The following KLHL42 variants were observed in gnomAD, a reference collection of about 807,000 sequenced individuals.
KLHL42 encodes the protein kelch-like protein 42.
In KLHL42, 27 loss-of-function variants were observed where a neutral mutation model predicts 32.7. The ratio of observed to expected loss-of-function variants is 0.83; its 90% CI spans 0.61 to 1.14. KLHL42 has a LOEUF of 1.14. Ranked by LOEUF, KLHL42 falls within the 50% of genes most tolerant of loss-of-function variation. The pLI is 0.00. For synonymous variants in KLHL42, 267 were observed against 248.2 expected (o/e 1.08, Z -0.71); for missense variants, 491 against 560.8 (o/e 0.88, Z 1.26).
intron 1 of KLHL42, among the ~76,000 whole-genome samples, chr12:27,784,166 G>A (rs1331372560): frequency 7.0e-6 from 1 of 142,308 alleles, no homozygotes; most frequent in Non-Finnish European, 1.5e-5. Context: ...ACGGAGTCTC[G>A]TTCTGTTGCC....
rs767561636 is a variant in KLHL42, at chr12:27,780,863, A to G, written c.533A>G (p.Asp178Gly). 1.9e-6 allele frequency: 3 copies of G among 1,613,654 alleles called. No individual in the cohort carries two copies. Among genetic ancestry groups the G allele is most frequent in the South Asian group, 2.2e-5 (2 of 91,080 alleles). Residue 178 changes from aspartate (D) to glycine (G), a missense_variant, in exon 1 of 3, where the codon GAT becomes GGT. Physicochemically the swap from Asp to Gly is moderately conservative, Grantham distance 94. This residue lies in a region of KLHL42 where 248 missense variants were observed against 329.2 expected (regional missense o/e 0.75). Transcript: ENST00000381271. This position sits in a 1 kb window ranked among gnomAD's most constrained non-coding sequence, Gnocchi z 8.8. Reference protein sequence around the residue: ...LLGSPPQAPGDVSLKQRLREA... With the variant: ...LLGSPPQAPGGVSLKQRLREA... ...GGGTCTCCTCCCCAAGCTCCAGGGG[A>G]TGTCAGCCTGAAGCAGAGGCTGAGG...
Position 27,800,221 on chromosome 12 carries a change from C to A in KLHL42, c.*2055C>A, listed in dbSNP as rs1171003140. The A allele has an allele frequency of 1.0e-6, 1 of 985,138 alleles. No homozygotes were observed. The highest frequency in any genetic ancestry group is 1.2e-6 in the Non-Finnish European group (1 of 829,842). 61.0% of individuals were successfully genotyped at this position (985,138 alleles called of 1,614,324 possible). A position where few individuals can be genotyped will look rare whatever the true frequency, so the allele number is the denominator to read the frequency against. On this transcript the variant is annotated 3_prime_UTR_variant, in exon 3 of 3. Coordinates refer to ENST00000381271, the MANE Select transcript of KLHL42 (RefSeq NM_020782.2). ...CAATATTCCAGCCAACCAGTTAATT[C>A]TCTTCCTGGTTACATTCATTGGGTC... is the stretch of plus-strand genomic sequence containing the variant.
At chr12:27,793,590 G>C (rs1368278513) in intron 2 of KLHL42, among the ~76,000 whole-genome samples, 1 of 151,798 alleles carries the variant, frequency 6.6e-6, no homozygotes, top group Non-Finnish European at 1.5e-5. Flanking sequence ...TGTGGTTGTG[G>C]GAAGACAGAC....
At position 27,780,295 on chromosome 12, in the gene KLHL42, C is replaced by G. The variant is rs756559033; in HGVS notation, c.-36C>G. ...GGGGCTGGGAGGCCGGCGCGCAGAT[C>G]TGGCGGTGAGCGCTGCCGCCCCGGG... On this transcript the variant is annotated 5_prime_UTR_variant, in exon 1 of 3. It adds an upstream start codon to the 5' untranslated region. Coordinates refer to ENST00000381271, the MANE Select transcript of KLHL42 (RefSeq NM_020782.2). The surrounding 1 kb of genome is among the most constrained non-coding windows in gnomAD (Gnocchi z 8.8). The G allele has an allele frequency of 5.3e-5, 80 of 1,519,592 alleles. No individual in the cohort carries two copies. Among genetic ancestry groups the G allele is most frequent in the Non-Finnish European group, 6.9e-5 (79 of 1,137,358 alleles). The allele number at this position is 1,519,592 out of a possible 1,614,324, so 94.1% of individuals were successfully genotyped here. A position where few individuals can be genotyped will look rare whatever the true frequency, so the allele number is the denominator to read the frequency against.
Position 27,780,774 on chromosome 12 carries a change from C to T in KLHL42, c.444C>T (p.Ala148=). 6.2e-7 allele frequency: 1 copy of T among 1,613,628 alleles called. No homozygotes were observed. Among genetic ancestry groups the T allele is most frequent in the Non-Finnish European group, 8.5e-7 (1 of 1,180,030 alleles). The part of the protein sequence containing the change: ...QVYGLPDLQE[A]CLRFMVVHFH... ...ACGGGCTGCCCGACCTGCAGGAGGC[C>T]TGCCTGCGCTTCATGGTCGTCCACT... is the stretch of plus-strand genomic sequence containing the variant. Residue 148 remains alanine (A), a synonymous_variant, in exon 1 of 3, where the codon GCC becomes GCT. Coordinates refer to ENST00000381271, the MANE Select transcript of KLHL42 (RefSeq NM_020782.2). The surrounding 1 kb of genome is among the most constrained non-coding windows in gnomAD (Gnocchi z 8.8).
chr12:27,791,677 A>G (rs367591464), intron 1 of KLHL42, 31 bp from the exon 2 acceptor site: 76 of 1,565,674 alleles, frequency 4.9e-5, no homozygotes, highest in Middle Eastern at 3.3e-4. Context: ...CAGAAGAACT[A>G]ACTCTGTGGG....
At chr12:27,793,627 G>A (rs1035642100) in intron 2 of KLHL42, among the ~76,000 whole-genome samples, 6 of 152,068 alleles carry the variant, frequency 3.9e-5, no homozygotes, top group Non-Finnish European at 7.4e-5. Flanking sequence ...GCAGAGGGGT[G>A]CCTTTCCTTC....
chr12:27,795,186 C>T (rs759538388), intron 2 of KLHL42, among the ~76,000 whole-genome samples: 1 of 152,226 alleles, frequency 6.6e-6, no homozygotes, highest in Non-Finnish European at 1.5e-5. Flanking sequence ...TGTGGGCTGA[C>T]ATAACGCACA....
At chr12:27,794,338 T>C (rs1399521008) in intron 2 of KLHL42, among the ~76,000 whole-genome samples, 1 of 152,176 alleles carries the variant, frequency 6.6e-6, no homozygotes, top group African/African-American at 2.4e-5. Flanking sequence ...TGCCCCTGCC[T>C]CTGTCTTCAT....
At chr12:27,790,932 A>G (rs1219980806) in intron 1 of KLHL42, among the ~76,000 whole-genome samples, 1 of 152,312 alleles carries the variant, frequency 6.6e-6, no homozygotes, top group East Asian at 1.9e-4. Context: ...ATGATGATAC[A>G]TACCTGTAGT....
Position 27,799,126 on chromosome 12 carries a change from A to G in KLHL42, c.*960A>G, listed in dbSNP as rs1426589449. The G allele has an allele frequency of 6.6e-6, 1 of 152,576 alleles. No individual in the cohort carries two copies. The highest frequency in any genetic ancestry group is 1.5e-5 in the Non-Finnish European group (1 of 68,026). 9.5% of individuals were successfully genotyped at this position (152,576 alleles called of 1,614,324 possible). The stretch of plus-strand genomic sequence containing the variant: ...TTTAAGTCGGCAGCTTTCTAATTTA[A>G]TCTTAGCTTTGTAATTCATGTTTTG... On this transcript the variant is annotated 3_prime_UTR_variant, in exon 3 of 3. Coordinates refer to ENST00000381271, the MANE Select transcript of KLHL42 (RefSeq NM_020782.2).
Position 27,781,251 on chromosome 12 carries a change from C to A in KLHL42, c.872+49C>A. 3 of 1,583,772 alleles carry A rather than the reference C, an allele frequency of 1.9e-6. No homozygotes were observed. In the South Asian group the frequency reaches 3.4e-5, roughly 18 times the overall value. The stretch of plus-strand genomic sequence containing the variant: ...CTGCCTTCTCATTCATTCACTTGTT[C>A]ATTAGTTCATTACCCCAGTGTTTAC... On this transcript the variant is annotated intron_variant, in intron 1 of 2. Coordinates refer to ENST00000381271, the MANE Select transcript of KLHL42 (RefSeq NM_020782.2).
chr12:27,783,879 C>T (rs1165985914), intron 1 of KLHL42, among the ~76,000 whole-genome samples: 3 of 152,268 alleles, frequency 2.0e-5, no homozygotes, highest in South Asian at 2.1e-4. Flanking sequence ...CCACCGCGCC[C>T]GGCCTTACCT....
chr12:27,780,699 C>G lies in KLHL42; in HGVS notation c.369C>G (p.Ser123=). 1 of 1,609,964 alleles carries G rather than the reference C, an allele frequency of 6.2e-7. No individual in the cohort carries two copies. The highest frequency in any genetic ancestry group is 1.3e-5 in the African/African-American group (1 of 74,996). ...QVTSLLQLLL[S]QVRLNNCLEM... ...CGTCCCTGCTGCAGCTGCTGCTGTC[C>G]CAGGTGCGGCTCAATAACTGCCTGG... Residue 123 remains serine (S), a synonymous_variant, in exon 1 of 3, where the codon TCC becomes TCG. Transcript: ENST00000381271. This position sits in a 1 kb window ranked among gnomAD's most constrained non-coding sequence, Gnocchi z 8.8.
At chr12:27,784,907 G>A (rs2062165258) in intron 1 of KLHL42, among the ~76,000 whole-genome samples, 1 of 152,154 alleles carries the variant, frequency 6.6e-6, no homozygotes, top group Non-Finnish European at 1.5e-5. Flanking sequence ...CCTAAAAATT[G>A]GCTTATTTTC....
intron 1 of KLHL42, among the ~76,000 whole-genome samples, chr12:27,788,935 G>C (rs1305253674): frequency 6.6e-6 from 1 of 152,220 alleles, no homozygotes; most frequent in Non-Finnish European, 1.5e-5. Context: ...ATTTTGAAAA[G>C]TAGTTGATAG....
chr12:27,785,914 A>G (rs992376199), intron 1 of KLHL42, among the ~76,000 whole-genome samples: 6 of 152,234 alleles, frequency 3.9e-5, no homozygotes, highest in African/African-American at 1.4e-4. Context: ...TACCTTGGTA[A>G]CAGTCATTAT....
Position 27,800,394 on chromosome 12 carries a change from T to C in KLHL42, c.*2228T>C, listed in dbSNP as rs892357964. The C allele has an allele frequency of 3.3e-5, 32 of 983,264 alleles. No individual in the cohort carries two copies. The highest frequency in any genetic ancestry group is 3.9e-5 in the Non-Finnish European group (32 of 828,244). The allele number at this position is 983,264 out of a possible 1,614,324, so 60.9% of individuals were successfully genotyped here. On this transcript the variant is annotated 3_prime_UTR_variant, in exon 3 of 3. Coordinates refer to ENST00000381271, the MANE Select transcript of KLHL42 (RefSeq NM_020782.2). ...TGTGTATGTTTGCATATTATAGCTC[T>C]CTTTAAGACAGACATCTAAAAAGAT...
chr12:27,783,105 A>G (rs1231686847), intron 1 of KLHL42, among the ~76,000 whole-genome samples: 1 of 152,200 alleles, frequency 6.6e-6, no homozygotes, highest in Non-Finnish European at 1.5e-5. Context: ...TGCCTTACCA[A>G]TAACATAATC....
Sources: gnomAD v4.1 joint callset for allele counts (sites outside exome capture counted in the v4.1 genomes callset) on GRCh38, gnomAD v4.1.1 for gene constraint, gnomAD v4.1.1 regional missense constraint, Gnocchi (gnomAD v3.1) non-coding constraint, MANE v1.5 for transcripts, NCBI Gene and HGNC (gene_info 2026-07-23, HGNC 2026-07-21) for gene names.